The following ZKSCAN1 variants were observed in gnomAD, a reference collection of about 807,000 sequenced individuals.
The protein encoded by ZKSCAN1 is zinc finger with KRAB and SCAN domains 1, also known as zinc finger protein with KRAB and SCAN domains 1.
ZKSCAN1 carries 14 observed loss-of-function variants against 51.6 expected under a neutral mutation model. The observed-to-expected ratio is 0.27, with a 90% CI of 0.18 to 0.42. ZKSCAN1 has a LOEUF of 0.42. Ranked by LOEUF, ZKSCAN1 falls within the 10% of genes least tolerant of loss-of-function variation. The pLI, the probability that ZKSCAN1 is intolerant of heterozygous loss-of-function variation, is 1.00. For missense variants in ZKSCAN1, 531 were observed against 710.0 expected, an observed-to-expected ratio of 0.75 and a Z score of 2.86; for synonymous variants, 263 against 261.5, an observed-to-expected ratio of 1.01 and a Z score of -0.06.
intron 2 of ZKSCAN1, 94 bp from the exon 3 acceptor site, chr7:100,024,060 C>T (rs1790708642): frequency 2.0e-6 from 3 of 1,527,190 alleles, no homozygotes; most frequent in South Asian, 1.3e-5. Context: ...GGCTTTCTTC[C>T]TGCATCCACT....
At chr7:100,042,478 G>A (rs1791623669), downstream of ZKSCAN1, among the ~76,000 whole-genome samples, 1 of 152,054 alleles carries the variant, frequency 6.6e-6, no homozygotes, top group East Asian at 1.9e-4. Context: ...GGTGCCATAC[G>A]ATTCAATTCA....
In ZKSCAN1 at chr7:100,029,976, C is replaced by T. The variant is rs776588038; in HGVS notation, c.672+24C>T. 3.1e-6 allele frequency: 5 copies of T among 1,611,456 alleles called. No individual in the cohort carries two copies. The East Asian group carries it at 8.9e-5, about 29-fold the overall frequency. The stretch of plus-strand genomic sequence containing the variant: ...AGGTGAGCTGTGGCCCCTCTGCTCT[C>T]CTGAGTCCTCAGTGTCTGCCTCTGT... On this transcript the variant is annotated intron_variant, in intron 4 of 5. Coordinates refer to ENST00000324306, the MANE Select transcript of ZKSCAN1 (RefSeq NM_003439.4).
chr7:100,038,477 G>A lies in ZKSCAN1; in HGVS notation c.*4280G>A, dbSNP rs1021660435. 5.1e-6 allele frequency: 5 copies of A among 985,276 alleles called. No homozygotes were observed. Among genetic ancestry groups the A allele is most frequent in the East Asian group, 1.1e-4 (1 of 8,826 alleles). 61.0% of individuals were successfully genotyped at this position (985,276 alleles called of 1,614,324 possible). On this transcript the variant is annotated 3_prime_UTR_variant, in exon 6 of 6. Transcript: ENST00000324306. ...CTGAAATGGAACAACTCCTTTAAACGTGCAGCCTTTTGAATTTTTCCTCAA... is the reference window on the plus strand; with the variant it reads ...CTGAAATGGAACAACTCCTTTAAACATGCAGCCTTTTGAATTTTTCCTCAA...
chr7:100,025,789 T>C (rs1790808661), intron 3 of ZKSCAN1, among the ~76,000 whole-genome samples: 1 of 151,956 alleles, frequency 6.6e-6, no homozygotes, highest in Admixed American at 6.6e-5. Context: ...AAAAACAGAG[T>C]ATAAAAGATT....
chr7:100,031,914 C>T (rs1019273123), intron 5 of ZKSCAN1, among the ~76,000 whole-genome samples: 5 of 152,076 alleles, frequency 3.3e-5, no homozygotes, highest in African/African-American at 9.7e-5. Context: ...ACTGTCTCTA[C>T]AAAAAAATTT....
chr7:100,028,794 CAAAAAAA>C (rs56779174), intron 3 of ZKSCAN1, among the ~76,000 whole-genome samples: 3 of 83,088 alleles, frequency 3.6e-5, no homozygotes, highest in Admixed American at 1.2e-4. Context: ...TACATCTTAT[CAAAAAAA>C]AAAAAAAAAA....
chr7:100,023,306 C>A (rs1296114662), intron 1 of ZKSCAN1, 113 bp from the exon 2 acceptor site: 7 of 557,956 alleles, frequency 1.3e-5, no homozygotes, highest in Non-Finnish European at 2.1e-5. Context: ...CCACCACCCC[C>A]GGCCTCAGGA....
At position 100,038,963 on chromosome 7, in the gene ZKSCAN1, C is replaced by G. The variant is rs1411022395; in HGVS notation, c.*4766C>G. 6.5e-6 allele frequency: 1 copy of G among 154,288 alleles called. No homozygotes were observed. Among genetic ancestry groups the G allele is most frequent in the African/African-American group, 2.5e-5 (1 of 40,138 alleles). 9.6% of individuals were successfully genotyped at this position (154,288 alleles called of 1,614,324 possible). A position where few individuals can be genotyped will look rare whatever the true frequency, so the allele number is the denominator to read the frequency against. ...TGAGCCAAGATGGCGCCACTGCACT[C>G]CAGCCTGGGTGATGGCGTGAGACTC... is the stretch of plus-strand genomic sequence containing the variant. On this transcript the variant is annotated 3_prime_UTR_variant, in exon 6 of 6. Coordinates refer to ENST00000324306, the MANE Select transcript of ZKSCAN1 (RefSeq NM_003439.4).
At chr7:100,021,541 C>G (rs1269564363) in intron 1 of ZKSCAN1, among the ~76,000 whole-genome samples, 1 of 152,040 alleles carries the variant, frequency 6.6e-6, no homozygotes, top group Admixed American at 6.6e-5. Flanking sequence ...CTGTAATTGC[C>G]CTTTCTTCAC....
rs767802425 is a variant in ZKSCAN1 at position 100,023,575 on chromosome 7, C to T, written c.69C>T (p.Ile23=). Residue 23 remains isoleucine (I), a synonymous_variant, in exon 2 of 6, where the codon ATC becomes ATT. Transcript: ENST00000324306. ...SPQAAQEKDG[I]VIVKVEEEDE... is the part of the protein sequence containing the mutation. ...AGGCTGCACAGGAGAAGGATGGTAT[C>T]GTAATAGTGAAGGTGGAAGAGGAAG... is the stretch of plus-strand genomic sequence containing the variant. 2.4e-5 allele frequency: 38 copies of T among 1,613,506 alleles called. No individual in the cohort carries two copies. The highest frequency in any genetic ancestry group is 3.1e-5 in the Non-Finnish European group (36 of 1,180,024).
Position 100,039,652 on chromosome 7 carries a change from A to G in ZKSCAN1, c.*5455A>G, listed in dbSNP as rs895889344. On this transcript the variant is annotated 3_prime_UTR_variant, in exon 6 of 6. Transcript: ENST00000324306. Reference sequence around the variant, plus strand: ...AAAGCCAGCTAACCAGGTTCATCCTACCATCCTCATGGAAGACTGTGTGTA... The same window carrying G: ...AAAGCCAGCTAACCAGGTTCATCCTGCCATCCTCATGGAAGACTGTGTGTA... 3 of 985,312 alleles carry G rather than the reference A, an allele frequency of 3.0e-6. No homozygotes were observed. The highest frequency in any genetic ancestry group is 4.7e-5 in the South Asian group (1 of 21,290). The allele number at this position is 985,312 out of a possible 1,614,324, so 61.0% of individuals were successfully genotyped here. A position where few individuals can be genotyped will look rare whatever the true frequency, so the allele number is the denominator to read the frequency against.
chr7:100,024,253 ACCCAGT>A lies in ZKSCAN1; in HGVS notation c.531_536del (p.Gln177_Ser178del). On this transcript the variant is annotated inframe_deletion, in exon 3 of 6. Transcript: ENST00000324306. ...GAGCTTTGACCTTCATCACGAGGCC[ACCCAGT>A]CCCACTTCAAACATTCGTCTCGGAA... is the stretch of plus-strand genomic sequence containing the variant. The A allele has an allele frequency of 3.1e-6, 5 of 1,613,898 alleles. No homozygotes were observed. Among genetic ancestry groups the A allele is most frequent in the Non-Finnish European group, 4.2e-6 (5 of 1,179,976 alleles).
chr7:100,030,779 C>T (rs1435052847), intron 5 of ZKSCAN1, among the ~76,000 whole-genome samples: 6 of 152,244 alleles, frequency 3.9e-5, no homozygotes, highest in African/African-American at 4.8e-5. Flanking sequence ...CCCATTGTCC[C>T]GGTACCACAT....
Position 100,034,424 on chromosome 7 carries a change from C to T in ZKSCAN1, c.*227C>T. 3 of 1,267,100 alleles carry T rather than the reference C, an allele frequency of 2.4e-6. No homozygotes were observed. The highest frequency in any genetic ancestry group is 3.0e-5 in the South Asian group (1 of 32,956). 78.5% of individuals were successfully genotyped at this position (1,267,100 alleles called of 1,614,324 possible). A position where few individuals can be genotyped will look rare whatever the true frequency, so the allele number is the denominator to read the frequency against. ...GGAAAGGCTAATCTTACGGATAATC[C>T]ACGTGAGATTTCCACACAAGAGAAA... On this transcript the variant is annotated 3_prime_UTR_variant, in exon 6 of 6. Transcript: ENST00000324306.
In ZKSCAN1 at chr7:100,034,228, C is replaced by T. The variant is rs1373538898; in HGVS notation, c.*31C>T. 28 of 1,498,048 alleles carry T rather than the reference C, an allele frequency of 1.9e-5. No homozygotes were observed. Among genetic ancestry groups the T allele is most frequent in the Non-Finnish European group, 2.5e-5 (28 of 1,131,464 alleles). 92.8% of individuals were successfully genotyped at this position (1,498,048 alleles called of 1,614,324 possible). A position where few individuals can be genotyped will look rare whatever the true frequency, so the allele number is the denominator to read the frequency against. On this transcript the variant is annotated 3_prime_UTR_variant, in exon 6 of 6. Transcript: ENST00000324306. ...GAATTTGCCATCAAGCCATTTCCCC[C>T]TTTTGTTTCTAAAATTATTTCAGAG...
At position 100,023,575 on chromosome 7, in the gene ZKSCAN1, C is replaced by A; in HGVS notation, c.69C>A (p.Ile23=). ...SPQAAQEKDG[I]VIVKVEEEDE... ...AGGCTGCACAGGAGAAGGATGGTAT[C>A]GTAATAGTGAAGGTGGAAGAGGAAG... is the stretch of plus-strand genomic sequence containing the variant. The change falls in exon 2 of 6, where the codon ATC becomes ATA. Residue 23 remains isoleucine (I), a synonymous_variant. Coordinates refer to ENST00000324306, the MANE Select transcript of ZKSCAN1 (RefSeq NM_003439.4). The A allele has an allele frequency of 6.2e-7, 1 of 1,613,624 alleles. No individual in the cohort carries two copies. Among genetic ancestry groups the A allele is most frequent in the Non-Finnish European group, 8.5e-7 (1 of 1,180,016 alleles).
At chr7:100,024,430 C>CA in intron 3 of ZKSCAN1, 123 bp downstream of exon 3, 1 of 1,280,526 alleles carries the variant, frequency 7.8e-7, no homozygotes, top group Non-Finnish European at 1.1e-6. Flanking sequence ...CCCATCTCTA[C>CA]AAAAAATAGA....
intron 1 of ZKSCAN1, among the ~76,000 whole-genome samples, chr7:100,022,086 C>T (rs556340916): frequency 2.3e-3 from 343 of 152,244 alleles, no homozygotes; most frequent in East Asian, 4.1e-3. Flanking sequence ...GACAGAGTCT[C>T]GCTCTGTGGC....
In ZKSCAN1 at chr7:100,037,099, C is replaced by T. The variant is rs755978053; in HGVS notation, c.*2902C>T. The T allele has an allele frequency of 2.8e-5, 28 of 985,270 alleles. No homozygotes were observed. In the African/African-American group the frequency reaches 3.0e-4, roughly 10 times the overall value. 61.0% of individuals were successfully genotyped at this position (985,270 alleles called of 1,614,324 possible). A position where few individuals can be genotyped will look rare whatever the true frequency, so the allele number is the denominator to read the frequency against. ...TTATTAAAACCACTTGCAGTGCATT[C>T]GTTTATCAGATGCTCAGTGCAAAGT... On this transcript the variant is annotated 3_prime_UTR_variant, in exon 6 of 6. Coordinates refer to ENST00000324306, the MANE Select transcript of ZKSCAN1 (RefSeq NM_003439.4).
Sources: gnomAD v4.1 joint callset for allele counts (sites outside exome capture counted in the v4.1 genomes callset) on GRCh38, gnomAD v4.1.1 for gene constraint, MANE v1.5 for transcripts, NCBI Gene and HGNC (gene_info 2026-07-23, HGNC 2026-07-21) for gene names.